MINAR1: variants seen among roughly 807,000 people sequenced by gnomAD.
The protein encoded by MINAR1 is membrane integral NOTCH2 associated receptor 1, also known as major intrinsically disordered Notch2-binding receptor 1.
MINAR1 carries 40 observed loss-of-function variants against 65.1 expected under a neutral mutation model. The observed-to-expected ratio is 0.61, with a 90% confidence interval of 0.48 to 0.80. MINAR1 has a LOEUF of 0.80. MINAR1 is among the 30% of genes least tolerant of loss of function. MINAR1 has a pLI of 0.00. For synonymous variants in MINAR1, 482 were observed against 449.1 expected (o/e 1.07, Z -0.93); for missense variants, 1,128 against 1,148.0 (o/e 0.98, Z 0.25).
rs1894465751 is a variant in MINAR1, at chr15:79,432,360, C to A, written c.-231C>A. On this transcript the variant is annotated 5_prime_UTR_variant, in exon 1 of 4. Coordinates refer to ENST00000305428, the MANE Select transcript of MINAR1 (RefSeq NM_015206.3). ...CAGACCTGGACTCGGGCGGCGGAGG[C>A]GAAAGTCGCTCCATCCGCGGGGTGC... 1.3e-5 allele frequency among the ~76,000 whole-genome samples: 2 copies of A among 152,120 alleles called. No individual in the cohort carries two copies. The highest frequency in any genetic ancestry group is 2.9e-5 in the Non-Finnish European group (2 of 67,984).
intron 2 of MINAR1, among the ~76,000 whole-genome samples, chr15:79,462,259 T>C (rs1895675270): frequency 6.6e-6 from 1 of 152,172 alleles, no homozygotes; most frequent in Non-Finnish European, 1.5e-5. Flanking sequence ...CAGGCAGTTA[T>C]AGTTCAAAGG....
At position 79,456,520 on chromosome 15, in the gene MINAR1, G is replaced by T; in HGVS notation, c.373G>T (p.Asp125Tyr). The T allele has an allele frequency of 6.2e-7, 1 of 1,613,984 alleles. No homozygotes were observed. The highest frequency in any genetic ancestry group is 2.2e-5 in the East Asian group (1 of 44,876). Residue 125 changes from aspartate to tyrosine, a missense_variant, in exon 2 of 4, where the codon GAC becomes TAC. Transcript: ENST00000305428. ...KEASFESCRS[D>Y]TEICNAAECE... ...GGCATCCTTTGAATCATGTAGGTCG[G>T]ACACAGAGATCTGCAATGCAGCTGA... is the stretch of plus-strand genomic sequence containing the variant.
chr15:79,454,811 A>G (rs1243561622), intron 1 of MINAR1, among the ~76,000 whole-genome samples: 1 of 152,194 alleles, frequency 6.6e-6, no homozygotes, highest in African/African-American at 2.4e-5. Context: ...CAATGGGAAC[A>G]TTCTAGTTCT....
At chr15:79,463,656 TTTAA>T in intron 3 of MINAR1, 1 of 531,552 alleles carries the variant, frequency 1.9e-6, no homozygotes. Flanking sequence ...AGCCAAACTG[TTTAA>T]TGAAATACAA....
At chr15:79,439,882 T>G (rs942958880) in intron 1 of MINAR1, among the ~76,000 whole-genome samples, 1 of 151,996 alleles carries the variant, frequency 6.6e-6, no homozygotes, top group Admixed American at 6.5e-5. Flanking sequence ...ATTTGGTTAT[T>G]TAGTTTTCCA....
rs201188024 is a variant in MINAR1, at chr15:79,458,267, C to A, written c.2120C>A (p.Pro707Gln). ...KALKKSLFTR[P>Q]SSRSLTEENS... ...TTAAAAAAAAGCCTCTTCACCAGGC[C>A]ATCCTCTAGGTCCCTAACAGAGGAG... The change falls in exon 2 of 4, where the codon CCA becomes CAA. Residue 707 changes from proline (P) to glutamine (Q), a missense_variant. Physicochemically the swap from Pro to Gln is moderately conservative, Grantham distance 76. Transcript: ENST00000305428. The A allele has an allele frequency of 3.9e-4, 632 of 1,614,030 alleles. 6 individuals are homozygous for A. The highest frequency in any genetic ancestry group is 7.3e-5 in the Non-Finnish European group (86 of 1,180,026).
chr15:79,443,177 G>A (rs1894919839), intron 1 of MINAR1, among the ~76,000 whole-genome samples: 1 of 152,240 alleles, frequency 6.6e-6, no homozygotes, highest in South Asian at 2.1e-4. Context: ...CGGGCTGTGG[G>A]AGGCAGGCTT....
At chr15:79,441,364 A>G (rs1342123831) in intron 1 of MINAR1, among the ~76,000 whole-genome samples, 1 of 152,220 alleles carries the variant, frequency 6.6e-6, no homozygotes. Context: ...TTAAGAATAC[A>G]TCATTAAAAA....
the MINAR1 span, chr15:79,417,963 T>C: frequency 2.6e-5 from 4 of 152,252 alleles, no homozygotes; most frequent in Admixed American, 2.6e-4. Flanking sequence ...AAGCCACGAT[T>C]TTACGAAGCG....
At chr15:79,411,474 C>A in the MINAR1 span, 16 of 702,342 alleles carry the variant, frequency 2.3e-5, no homozygotes, top group Admixed American at 2.4e-4. Context: ...CACCTGCCAC[C>A]GAGGGACTGG....
At chr15:79,455,989 A>G (rs1895396988) in intron 1 of MINAR1, 109 bp from the exon 2 acceptor site, 2 of 628,892 alleles carry the variant, frequency 3.2e-6, no homozygotes, top group South Asian at 2.3e-5. Context: ...AATCATTAAA[A>G]TGTTTTTCTC....
At chr15:79,463,874 C>T (rs2141304004) in intron 3 of MINAR1, 1 of 405,394 alleles carries the variant, frequency 2.5e-6, no homozygotes, top group South Asian at 1.8e-5. Context: ...GTGGGCAGCT[C>T]TGCCTGGTTC....
At chr15:79,448,429 T>G (rs1319716241) in intron 1 of MINAR1, among the ~76,000 whole-genome samples, 1 of 152,204 alleles carries the variant, frequency 6.6e-6, no homozygotes, top group African/African-American at 2.4e-5. Context: ...AAATTCTTAA[T>G]CACAAATTTT....
chr15:79,440,646 T>C (rs1894843523), intron 1 of MINAR1, among the ~76,000 whole-genome samples: 2 of 152,134 alleles, frequency 1.3e-5, no homozygotes, highest in Admixed American at 1.3e-4. Context: ...TGCCTGGGCT[T>C]TGCCTTCCCC....
intron 1 of MINAR1, among the ~76,000 whole-genome samples, chr15:79,447,411 T>G (rs1895054231): frequency 6.6e-6 from 1 of 152,200 alleles, no homozygotes; most frequent in African/African-American, 2.4e-5. Context: ...TTCTATTAAT[T>G]TTATGCCTTT....
At chr15:79,442,642 T>A (rs1329899122) in intron 1 of MINAR1, among the ~76,000 whole-genome samples, 1 of 144,244 alleles carries the variant, frequency 6.9e-6, no homozygotes, top group Non-Finnish European at 1.5e-5. Context: ...TAGCAAAAAA[T>A]CTGCCTGGTG....
intron 1 of MINAR1, among the ~76,000 whole-genome samples, chr15:79,441,169 T>C (rs980727398): frequency 1.2e-4 from 19 of 152,200 alleles, no homozygotes; most frequent in South Asian, 4.1e-4. Flanking sequence ...CTTTCTTCTT[T>C]ATTTTTTATT....
chr15:79,463,689 A>G (rs1198277974), intron 3 of MINAR1: 2 of 485,510 alleles, frequency 4.1e-6, no homozygotes. Flanking sequence ...CTCCTTCCAT[A>G]TGTAGCACGT....
intron 1 of MINAR1, 107 bp from the exon 2 acceptor site, chr15:79,455,991 G>GT (rs1317311808): frequency 1.6e-6 from 1 of 632,284 alleles, no homozygotes; most frequent in African/African-American, 1.8e-5. Flanking sequence ...TCATTAAAAT[G>GT]TTTTTCTCTG....
Sources: allele counts gnomAD v4.1 joint callset (sites outside exome capture counted in the v4.1 genomes callset), GRCh38; gene constraint gnomAD v4.1.1; transcripts MANE v1.5; gene names NCBI Gene and HGNC (gene_info 2026-07-23, HGNC 2026-07-21).